PPP2R2B: variants seen among roughly 807,000 people sequenced by gnomAD.
The protein encoded by PPP2R2B is protein phosphatase 2 regulatory subunit Bbeta.
PPP2R2B carries 5 observed loss-of-function variants against 46.0 expected under a neutral mutation model. The ratio of observed to expected loss-of-function variants is 0.11; its 90% CI spans 0.06 to 0.23. PPP2R2B has a LOEUF of 0.23. Ranked by LOEUF, PPP2R2B falls within the 10% of genes least tolerant of loss-of-function variation. The pLI, the probability that PPP2R2B is intolerant of heterozygous loss-of-function variation, is 1.00. For missense variants in PPP2R2B, 367 were observed against 575.0 expected (o/e 0.64, Z 3.70); for synonymous variants, 215 against 206.7 (o/e 1.04, Z -0.34).
At chr5:146,741,610 G>A (rs919658561) in intron 2 of PPP2R2B, among the ~76,000 whole-genome samples, 1 of 152,110 alleles carries the variant, frequency 6.6e-6, no homozygotes, top group African/African-American at 2.4e-5. Context: ...CTCGGGACGT[G>A]GGGACAGAAC....
intron 1 of PPP2R2B, among the ~76,000 whole-genome samples, chr5:146,891,496 T>A (rs1001287060): frequency 4.6e-5 from 7 of 152,104 alleles, no homozygotes; most frequent in African/African-American, 1.7e-4. Context: ...CTCTTTTTAA[T>A]TTTTTTTAAG....
chr5:146,867,084 G>T (rs1761354755), intron 2 of PPP2R2B, among the ~76,000 whole-genome samples: 1 of 152,208 alleles, frequency 6.6e-6, no homozygotes, highest in African/African-American at 2.4e-5. Flanking sequence ...GAAGAATAGT[G>T]TTAAAAGGAG....
intron 1 of PPP2R2B, among the ~76,000 whole-genome samples, chr5:147,031,193 C>CG (rs551706668): frequency 1.8e-3 from 269 of 151,882 alleles, no homozygotes; most frequent in Non-Finnish European, 2.9e-3. Context: ...GCTGAGATCA[C>CG]GCCATGGCAC....
At chr5:147,076,917 A>C in intron 2 of PPP2R2B, among the ~76,000 whole-genome samples, 1 of 151,986 alleles carries the variant, frequency 6.6e-6, no homozygotes, top group East Asian at 1.9e-4. Flanking sequence ...AGTATCATTC[A>C]TTTAAAGTCC....
In PPP2R2B at chr5:146,584,522, A is replaced by C. The variant is rs181379253; in HGVS notation, c.*5425T>G. 3.9e-5 allele frequency: 6 copies of C among 152,326 alleles called. No homozygotes were observed. The highest frequency in any genetic ancestry group is 7.3e-5 in the Non-Finnish European group (5 of 68,032). 9.4% of individuals were successfully genotyped at this position (152,326 alleles called of 1,614,324 possible). A position where few individuals can be genotyped will look rare whatever the true frequency, so the allele number is the denominator to read the frequency against. The stretch of plus-strand genomic sequence containing the variant: ...GAAGAAGTATAGGATCTGGAACAGG[A>C]TAGATCTAGATAAAACTTCCTGCTA... On this transcript the variant is annotated 3_prime_UTR_variant, in exon 10 of 10. Coordinates refer to ENST00000394411, the MANE Select transcript of PPP2R2B (RefSeq NM_181675.4).
chr5:147,004,622 A>T (rs1174365682), intron 1 of PPP2R2B, among the ~76,000 whole-genome samples: 1 of 152,102 alleles, frequency 6.6e-6, no homozygotes, highest in African/African-American at 2.4e-5. Context: ...CTTATTAGGG[A>T]TATATTAGCC....
chr5:146,683,201 T>G (rs1022719908), intron 5 of PPP2R2B, among the ~76,000 whole-genome samples: 1 of 152,162 alleles, frequency 6.6e-6, no homozygotes, highest in African/African-American at 2.4e-5. Context: ...TTCCCAAAAT[T>G]AAACAGAAAG....
At chr5:147,075,857 T>C (rs1757749561) in intron 2 of PPP2R2B, among the ~76,000 whole-genome samples, 1 of 152,204 alleles carries the variant, frequency 6.6e-6, no homozygotes, top group Non-Finnish European at 1.5e-5. Flanking sequence ...GCCCAAGGAA[T>C]ACTATTTTTG....
At chr5:146,667,695 G>T (rs1777093740) in intron 5 of PPP2R2B, among the ~76,000 whole-genome samples, 1 of 152,202 alleles carries the variant, frequency 6.6e-6, no homozygotes, top group South Asian at 2.1e-4. Context: ...CGAAAAATGT[G>T]CTTTGTTTTT....
chr5:147,059,063 G>A (rs1163410892), upstream of PPP2R2B, among the ~76,000 whole-genome samples: 1 of 152,108 alleles, frequency 6.6e-6, no homozygotes, highest in Non-Finnish European at 1.5e-5. Context: ...AAATACGCTT[G>A]TCCTAAATCA....
chr5:146,950,473 A>G (rs530258694), intron 1 of PPP2R2B, among the ~76,000 whole-genome samples: 69 of 152,076 alleles, frequency 4.5e-4, no homozygotes, highest in Non-Finnish European at 9.4e-4. Context: ...TTGGCAGCAC[A>G]GTGAATCACC....
chr5:146,839,904 G>C lies in PPP2R2B; in HGVS notation c.70+38098C>G, dbSNP rs1316791513. ...CAAACATTTATTTTTACTTCCTTAG[G>C]GTATGAGGAAGAGCATGTTCTAACA... On this transcript the variant is annotated intron_variant, in intron 2 of 9. Transcript: ENST00000394411. 2.0e-5 allele frequency among the ~76,000 whole-genome samples: 3 copies of C among 152,132 alleles called. No homozygotes were observed. In the South Asian group the frequency reaches 6.2e-4, roughly 31 times the overall value.
chr5:146,972,636 C>T (rs931883535), intron 1 of PPP2R2B, among the ~76,000 whole-genome samples: 9 of 152,042 alleles, frequency 5.9e-5, no homozygotes, highest in African/African-American at 1.2e-4. Flanking sequence ...CACTTGAACA[C>T]GGGAGGCAGA....
At chr5:146,877,796 G>T (rs1761983479) in intron 2 of PPP2R2B, among the ~76,000 whole-genome samples, 2 of 152,154 alleles carry the variant, frequency 1.3e-5, no homozygotes, top group Middle Eastern at 3.2e-3. Context: ...TGGGCGCCGG[G>T]TCCACCTGCT....
intron 1 of PPP2R2B, among the ~76,000 whole-genome samples, chr5:147,006,165 C>T (rs116772430): frequency 0.012 from 1,776 of 152,216 alleles, 8 homozygotes; most frequent in Non-Finnish European, 0.017. Context: ...GGGAAAAAGA[C>T]GCAATGGGTA....
chr5:146,920,676 G>A (rs1029161594), intron 1 of PPP2R2B, among the ~76,000 whole-genome samples: 9 of 152,122 alleles, frequency 5.9e-5, no homozygotes, highest in African/African-American at 9.7e-5. Context: ...GGCTGGCTAC[G>A]GGGGAGAGAG....
chr5:146,899,303 G>A (rs1217218172), intron 1 of PPP2R2B, among the ~76,000 whole-genome samples: 1 of 148,426 alleles, frequency 6.7e-6, no homozygotes, highest in African/African-American at 2.5e-5. Flanking sequence ...CATAAAAAAT[G>A]ATGAGTTCAT....
At chr5:146,794,268 T>A (rs1347530759) in intron 2 of PPP2R2B, among the ~76,000 whole-genome samples, 1 of 152,206 alleles carries the variant, frequency 6.6e-6, no homozygotes, top group East Asian at 1.9e-4. Context: ...CTACTTGAAC[T>A]GAAATTGATC....
chr5:146,919,919 G>A (rs1763534399), intron 1 of PPP2R2B: 1 of 152,068 alleles, frequency 6.6e-6, no homozygotes, highest in African/African-American at 2.4e-5. Flanking sequence ...TGCGTATCAT[G>A]GCAGCCACTG....
Sources: allele counts gnomAD v4.1 joint callset (sites outside exome capture counted in the v4.1 genomes callset), GRCh38; gene constraint gnomAD v4.1.1; transcripts MANE v1.5; gene names NCBI Gene and HGNC (gene_info 2026-07-23, HGNC 2026-07-21).